The following MGST1 variants were observed in gnomAD, a reference collection of about 807,000 sequenced individuals.
MGST1 encodes glutathione S-transferase 12.
In MGST1, 5 loss-of-function variants were observed where a neutral mutation model predicts 8.9. That is an observed-to-expected ratio of 0.56 (90% confidence interval 0.29 to 1.19). MGST1 has a LOEUF of 1.19. Among genes scored for constraint, MGST1 ranks in the 50% most tolerant of loss-of-function variants. The pLI, the probability that MGST1 is intolerant of heterozygous loss-of-function variation, is 0.08. For missense variants in MGST1, 182 were observed against 187.4 expected, an observed-to-expected ratio of 0.97 and a Z score of 0.17; for synonymous variants, 54 against 67.8, an observed-to-expected ratio of 0.80 and a Z score of 1.00.
At position 16,526,172 on chromosome 12, in the gene MGST1, T is replaced by G. The variant is rs61915325; in HGVS notation, n.483-63356T>G. Reference sequence around the variant, plus strand: ...AATTAGATCCCATTTGTCAATTTTGTCTTTTGTTGCCATTGCTTTTGGTGT... The same window carrying G: ...AATTAGATCCCATTTGTCAATTTTGGCTTTTGTTGCCATTGCTTTTGGTGT... On this transcript the variant is annotated intron_variant and non_coding_transcript_variant, in intron 4 of 4. Coordinates refer to the MGST1 transcript ENST00000538857. 2.8e-3 allele frequency among the ~76,000 whole-genome samples: 421 copies of G among 150,536 alleles called. 5 individuals carry two copies. Among genetic ancestry groups the G allele is most frequent in the African/African-American group, 9.5e-3 (388 of 40,888 alleles).
chr12:16,496,266 G>T (rs1419214677), intron 4 of MGST1, among the ~76,000 whole-genome samples: 1 of 152,034 alleles, frequency 6.6e-6, no homozygotes, highest in African/African-American at 2.4e-5. Flanking sequence ...ATCTCCAGGG[G>T]AGTGCACAGA....
At chr12:16,460,170 A>G (rs529208646) in intron 4 of MGST1, among the ~76,000 whole-genome samples, 1 of 152,298 alleles carries the variant, frequency 6.6e-6, no homozygotes, top group Non-Finnish European at 1.5e-5. Flanking sequence ...TTAGAGTGTC[A>G]TATGTCTGGA....
chr12:16,433,606 T>C (rs1378017025), intron 1 of MGST1, among the ~76,000 whole-genome samples: 3 of 152,100 alleles, frequency 2.0e-5, no homozygotes, highest in African/African-American at 7.2e-5. Flanking sequence ...CCCACCCACA[T>C]TAGGGAGGCC....
chr12:16,385,809 A>C (rs1222747117), intron 1 of MGST1, among the ~76,000 whole-genome samples: 2 of 152,072 alleles, frequency 1.3e-5, no homozygotes, highest in African/African-American at 4.8e-5. Context: ...TTGATAGATC[A>C]GCAAGTTTGG....
chr12:16,460,493 C>A (rs1373799114), intron 4 of MGST1, among the ~76,000 whole-genome samples: 1 of 152,042 alleles, frequency 6.6e-6, no homozygotes, highest in African/African-American at 2.4e-5. Context: ...GATTTTGGTT[C>A]CCCTTCGAAT....
chr12:16,567,197 AAAAC>A (rs145977478), intron 4 of MGST1, among the ~76,000 whole-genome samples: 53,302 of 151,308 alleles, frequency 0.35, 9,849 homozygotes, highest in African/African-American at 0.47. Context: ...ACTCCACCTC[AAAAC>A]AAACAAACAA....
intron 4 of MGST1, among the ~76,000 whole-genome samples, chr12:16,518,094 T>G (rs1941625889): frequency 1.3e-5 from 2 of 152,224 alleles, no homozygotes; most frequent in Admixed American, 1.3e-4. Flanking sequence ...CAGGTCATTC[T>G]TATGCTTAAT....
At chr12:16,545,860 T>C (rs1251341493) in intron 4 of MGST1, among the ~76,000 whole-genome samples, 1 of 152,072 alleles carries the variant, frequency 6.6e-6, no homozygotes, top group Non-Finnish European at 1.5e-5. Flanking sequence ...CAAGCATAAA[T>C]AACTCCTAGT....
rs537773211 is a variant in MGST1, at chr12:16,416,760, T to TA, written n.779-20621dup. Among the ~76,000 whole-genome samples, 449 of 152,280 alleles carry TA rather than the reference T, an allele frequency of 2.9e-3. 4 individuals are homozygous for TA. Among genetic ancestry groups the TA allele is most frequent in the African/African-American group, 1.0e-2 (415 of 41,564 alleles). ...AGCAAAATGGCTGAGGGTGTATATG[T>TA]AAAAAAAGTTGTTGTAGACTGGAGA... On this transcript the variant is annotated intron_variant and non_coding_transcript_variant, in intron 1 of 1. Transcript: ENST00000359720.
chr12:16,508,351 A>G (rs1941554327), intron 4 of MGST1, among the ~76,000 whole-genome samples: 2 of 152,174 alleles, frequency 1.3e-5, no homozygotes, highest in Admixed American at 6.5e-5. Context: ...CCCTCAGAGT[A>G]CTGTGTTCCT....
At chr12:16,357,425 T>C (rs9332916) in intron 2 of MGST1, 180 bp from the exon 3 acceptor site, 201 of 538,974 alleles carry the variant, frequency 3.7e-4, no homozygotes, top group African/African-American at 3.5e-3. Context: ...CCCACTACCA[T>C]GCAAAATTTT....
intron 4 of MGST1, among the ~76,000 whole-genome samples, chr12:16,485,359 A>G (rs1021914341): frequency 7.9e-5 from 12 of 152,212 alleles, no homozygotes; most frequent in African/African-American, 2.9e-4. Flanking sequence ...TTAAAATTAC[A>G]TAGGATTTAA....
chr12:16,524,394 T>G (rs529565890), intron 4 of MGST1, among the ~76,000 whole-genome samples: 2 of 152,216 alleles, frequency 1.3e-5, no homozygotes, highest in East Asian at 3.9e-4. Context: ...AAATACTCTA[T>G]TTCTCCAATG....
intron 4 of MGST1, among the ~76,000 whole-genome samples, chr12:16,529,345 A>C (rs1941707501): frequency 6.6e-6 from 1 of 152,034 alleles, no homozygotes; most frequent in Admixed American, 6.6e-5. Context: ...TTAAGTGCCA[A>C]AAATAATTAT....
chr12:16,558,524 G>T (rs917856182), intron 4 of MGST1, among the ~76,000 whole-genome samples: 1 of 152,006 alleles, frequency 6.6e-6, no homozygotes, highest in Non-Finnish European at 1.5e-5. Flanking sequence ...ATGGATGTGG[G>T]AATGTTTGTG....
intron 4 of MGST1, among the ~76,000 whole-genome samples, chr12:16,538,694 C>T (rs377093740): frequency 2.1e-3 from 317 of 151,344 alleles, no homozygotes; most frequent in Middle Eastern, 0.01. Context: ...CTGCAAGCTC[C>T]GCCTCTGGGG....
intron 4 of MGST1, among the ~76,000 whole-genome samples, chr12:16,448,879 C>T (rs1941105185): frequency 6.6e-6 from 1 of 151,760 alleles, no homozygotes; most frequent in Non-Finnish European, 1.5e-5. Context: ...AAACATTATC[C>T]CAGTTGGTCT....
At chr12:16,553,651 G>C (rs1406018329) in intron 4 of MGST1, among the ~76,000 whole-genome samples, 1 of 152,068 alleles carries the variant, frequency 6.6e-6, no homozygotes, top group Non-Finnish European at 1.5e-5. Flanking sequence ...AAACAAAACA[G>C]CCTTGAAAGC....
intron 1 of MGST1, among the ~76,000 whole-genome samples, chr12:16,414,908 C>A (rs1186946668): frequency 6.6e-6 from 1 of 152,110 alleles, no homozygotes; most frequent in Non-Finnish European, 1.5e-5. Context: ...CCTGTAACCC[C>A]AGCTACTCGG....
Sources: gnomAD v4.1 joint callset for allele counts (sites outside exome capture counted in the v4.1 genomes callset) on GRCh38, gnomAD v4.1.1 for gene constraint, MANE v1.5 for transcripts, NCBI Gene and HGNC (gene_info 2026-07-23, HGNC 2026-07-21) for gene names.